MMP2: variants seen among roughly 807,000 people sequenced by gnomAD.
MMP2 encodes 72 kDa type IV collagenase.
In MMP2, 39 loss-of-function variants were observed where a neutral mutation model predicts 74.8. That is an observed-to-expected ratio of 0.52 (90% confidence interval 0.40 to 0.68). MMP2 has a LOEUF of 0.68. Ranked by LOEUF, MMP2 falls within the 30% of genes least tolerant of loss-of-function variation. The pLI, the probability that MMP2 is intolerant of heterozygous loss-of-function variation, is 0.00. For missense variants in MMP2, 803 were observed against 878.3 expected, an observed-to-expected ratio of 0.91 and a Z score of 1.08; for synonymous variants, 367 against 339.8, an observed-to-expected ratio of 1.08 and a Z score of -0.88.
Position 55,488,635 on chromosome 16 carries a change from GGCCGC to G in MMP2, c.926_930del (p.Gly309AspfsTer11). ...ATCCTATGACAGCTGCACCACTGAG[GGCCGC>G]ACGGATGGCTACCGCTGGTGCGGCA... On this transcript the variant is annotated frameshift_variant, in exon 6 of 13. Coordinates refer to ENST00000219070, the MANE Select transcript of MMP2 (RefSeq NM_004530.6). LOFTEE classifies it high-confidence loss of function. 1 of 1,613,792 alleles carries G rather than the reference GGCCGC, an allele frequency of 6.2e-7. No homozygotes were observed. The highest frequency in any genetic ancestry group is 8.5e-7 in the Non-Finnish European group (1 of 1,179,908).
intron 1 of MMP2, among the ~76,000 whole-genome samples, chr16:55,481,091 G>A: frequency 6.6e-6 from 1 of 152,150 alleles, no homozygotes; most frequent in East Asian, 1.9e-4. Context: ...AGAGTAAAGT[G>A]AAAACAAATT....
intron 3 of MMP2, among the ~76,000 whole-genome samples, chr16:55,484,671 G>A (rs1253406754): frequency 6.6e-6 from 1 of 152,178 alleles, no homozygotes; most frequent in African/African-American, 2.4e-5. Context: ...GGAAACAGTG[G>A]AGCAGTGTAG....
chr16:55,490,333 G>GC (rs756663814), intron 7 of MMP2, among the ~76,000 whole-genome samples: 4 of 152,160 alleles, frequency 2.6e-5, no homozygotes, highest in Non-Finnish European at 5.9e-5. Flanking sequence ...CCCTGGGGGA[G>GC]CCCCCAGAGC....
chr16:55,485,271 A>G, intron 3 of MMP2, 28 bp from the exon 4 acceptor site: 3 of 1,614,032 alleles, frequency 1.9e-6, no homozygotes, highest in Non-Finnish European at 2.5e-6. Context: ...TGGCACAGCT[A>G]GACGCTAAGA....
rs1351364136 is a variant in MMP2, at chr16:55,482,975, C to A, written c.220C>A (p.Leu74Ile). The change falls in exon 2 of 13, where the codon CTA becomes ATA. Residue 74 changes from leucine to isoleucine, a missense_variant. This residue lies in a region of MMP2 where 223 missense variants were observed against 232.8 expected (regional missense o/e 0.96). Transcript: ENST00000219070. The part of the protein sequence containing the change: ...SCNLFVLKDT[L>I]KKMQKFFGLP... ...CAACCTGTTTGTGCTGAAGGACACA[C>A]TAAAGAAGATGCAGAAGTTCTTTGG... 11 of 1,614,096 alleles carry A rather than the reference C, an allele frequency of 6.8e-6. No homozygotes were observed. In the Admixed American group the frequency reaches 1.8e-4, roughly 27 times the overall value.
At chr16:55,484,360 C>A (rs1350036881) in intron 3 of MMP2, among the ~76,000 whole-genome samples, 196 bp downstream of exon 3, 1 of 151,998 alleles carries the variant, frequency 6.6e-6, no homozygotes, top group African/African-American at 2.4e-5. Flanking sequence ...GACATGGGGG[C>A]AGATGGTGTG....
In MMP2 at chr16:55,479,241, C is replaced by G; in HGVS notation, c.-239C>G. On this transcript the variant is annotated 5_prime_UTR_variant, in exon 1 of 13. The change creates a new upstream start codon in the 5' untranslated region. Coordinates refer to ENST00000219070, the MANE Select transcript of MMP2 (RefSeq NM_004530.6). ...CAGGCGGTGGCTGGAGGCTGCGCATCTGGGGCTTTAAACATACAAAGGGAT... is the reference window on the plus strand; with the variant it reads ...CAGGCGGTGGCTGGAGGCTGCGCATGTGGGGCTTTAAACATACAAAGGGAT... 3.2e-6 allele frequency: 1 copy of G among 309,280 alleles called. No individual in the cohort carries two copies. The highest frequency in any genetic ancestry group is 5.8e-6 in the Non-Finnish European group (1 of 173,430). The allele number at this position is 309,280 out of a possible 1,614,324, so 19.2% of individuals were successfully genotyped here.
At chr16:55,497,678 G>C (rs1440414635) in intron 10 of MMP2, among the ~76,000 whole-genome samples, 5 of 152,212 alleles carry the variant, frequency 3.3e-5, no homozygotes, top group African/African-American at 9.6e-5. Flanking sequence ...ATCAAGGTGA[G>C]GTCTGTATGG....
intron 9 of MMP2, 71 bp from the exon 10 acceptor site, chr16:55,496,855 G>A (rs1962539454): frequency 1.9e-6 from 3 of 1,598,472 alleles, no homozygotes; most frequent in Admixed American, 3.3e-5. Context: ...GGGTGGGTTT[G>A]GGGGTGTGTG....
chr16:55,486,563 C>T (rs1199069980), intron 5 of MMP2: 1 of 152,108 alleles, frequency 6.6e-6, no homozygotes, highest in Non-Finnish European at 1.5e-5. Context: ...TTTGAAGCCA[C>T]ATGGGGGAAA....
intron 1 of MMP2, chr16:55,479,968 G>T (rs926442813): frequency 2.0e-4 from 31 of 157,240 alleles, no homozygotes; most frequent in Non-Finnish European, 3.2e-4. Context: ...CTAGTATCTG[G>T]GACATTTGGC....
At position 55,498,906 on chromosome 16, in the gene MMP2, G is replaced by A. The variant is rs550703892; in HGVS notation, c.1769+458G>A. 6.6e-5 allele frequency among the ~76,000 whole-genome samples: 10 copies of A among 152,236 alleles called. No individual in the cohort carries two copies. In the East Asian group the frequency reaches 1.2e-3, roughly 18 times the overall value. On this transcript the variant is annotated intron_variant, in intron 11 of 12. Coordinates refer to ENST00000219070, the MANE Select transcript of MMP2 (RefSeq NM_004530.6). ...ACCGTGGCTGGGCACAGTGGCTCAC[G>A]CCTGTAATCCCAGCACTTTGGGAGG... is the stretch of plus-strand genomic sequence containing the variant.
At chr16:55,488,279 G>A (rs1962306950) in intron 5 of MMP2, 5 of 516,336 alleles carry the variant, frequency 9.7e-6, no homozygotes, top group Non-Finnish European at 1.8e-5. Context: ...GGTTCTAGAA[G>A]CCCTTGCTGT....
Position 55,485,747 on chromosome 16 carries a change from G to T in MMP2, c.802G>T (p.Asp268Tyr). 6.2e-7 allele frequency: 1 copy of T among 1,614,078 alleles called. No homozygotes were observed. The highest frequency in any genetic ancestry group is 8.5e-7 in the Non-Finnish European group (1 of 1,180,018). ...WCSTTYNFEK[D>Y]GKYGFCPHEA... ...CTCCACCACCTACAACTTTGAGAAG[G>T]ATGGCAAGTACGGCTTCTGTCCCCA... The change falls in exon 5 of 13, where the codon GAT (aspartate) becomes TAT (tyrosine). Residue 268 changes from aspartate (D) to tyrosine (Y), a missense_variant. Around this residue, in one of 3 missense-constraint regions of MMP2, gnomAD observed 555 missense variants for 592.0 expected, o/e 0.94. Transcript: ENST00000219070.
Position 55,482,935 on chromosome 16 carries a change from C to G in MMP2, c.180C>G (p.Cys60Trp). Residue 60 changes from cysteine (C) to tryptophan (W), a missense_variant, in exon 2 of 13, where the codon TGC (cysteine) becomes TGG (tryptophan). By Grantham distance (215) the Cys-to-Trp change is radical. Transcript: ENST00000219070. ...AATACCTGAACACCTTCTATGGCTG[C>G]CCCAAGGAGAGCTGCAACCTGTTTG... ...AVQYLNTFYGCPKESCNLFVL... is the reference protein window; with the variant it reads ...AVQYLNTFYGWPKESCNLFVL... The G allele has an allele frequency of 6.2e-7, 1 of 1,614,164 alleles. No homozygotes were observed. The highest frequency in any genetic ancestry group is 8.5e-7 in the Non-Finnish European group (1 of 1,180,018).
chr16:55,503,955 C>A (rs1450716135), intron 12 of MMP2, among the ~76,000 whole-genome samples: 1 of 152,184 alleles, frequency 6.6e-6, no homozygotes, highest in Non-Finnish European at 1.5e-5. Context: ...GAGTTTGAGA[C>A]CAGCCTGGGC....
intron 1 of MMP2, chr16:55,479,978 CGG>C (rs752333662): frequency 0.68 from 86,054 of 126,196 alleles, 28,253 homozygotes; most frequent in South Asian, 0.76. Context: ...GGACATTTGG[CGG>C]GGGGGGGGGG....
chr16:55,489,754 C>T lies in MMP2; in HGVS notation c.1110C>T (p.Asp370=), dbSNP rs544673695. The T allele has an allele frequency of 4.0e-5, 64 of 1,614,144 alleles. No homozygotes were observed. The highest frequency in any genetic ancestry group is 2.0e-4 in the South Asian group (18 of 91,078). Residue 370 remains aspartate, a synonymous_variant, in exon 7 of 13, where the codon GAC becomes GAT. Transcript: ENST00000219070. ...GCTGCACCAGCGCCGGCCGCAGTGA[C>T]GGAAAGATGTGGTGTGCGACCACAG... ...YESCTSAGRS[D]GKMWCATTAN...
intron 11 of MMP2, among the ~76,000 whole-genome samples, chr16:55,500,792 G>A (rs539921725): frequency 5.9e-5 from 9 of 152,326 alleles, no homozygotes; most frequent in Admixed American, 1.3e-4. Context: ...TGGCCCTGCC[G>A]TGGAGTCTGC....
Sources: allele counts gnomAD v4.1 joint callset (sites outside exome capture counted in the v4.1 genomes callset), GRCh38; gene constraint gnomAD v4.1.1; regional missense constraint gnomAD v4.1.1; transcripts MANE v1.5; gene names NCBI Gene and HGNC (gene_info 2026-07-23, HGNC 2026-07-21).